Variants in CSMD2 observed in about 807,000 individuals in gnomAD.
CSMD2 encodes the protein CUB and Sushi multiple domains 2.
CSMD2 carries 130 observed loss-of-function variants against 398.5 expected under a neutral mutation model. The ratio of observed to expected loss-of-function variants is 0.33; its 90% confidence interval spans 0.28 to 0.38. The LOEUF (loss-of-function observed/expected upper bound fraction) is 0.38, where lower values mean the gene tolerates loss of function less well. Among genes scored for constraint, CSMD2 ranks in the 10% least tolerant of loss-of-function variants. The probability of loss-of-function intolerance (pLI) is 1.00; values close to 1 mark genes in which losing one functional copy is unlikely to be tolerated. For synonymous variants in CSMD2, 1,828 were observed against 1,908.5 expected (o/e 0.96, Z 1.10); for missense variants, 3,829 against 4,764.9 (o/e 0.80, Z 5.78).
chr1:33,628,173 C>T (rs1158457086), intron 32 of CSMD2, among the ~76,000 whole-genome samples: 2 of 152,074 alleles, frequency 1.3e-5, no homozygotes, highest in Non-Finnish European at 2.9e-5. Context: ...ATGAGAAATG[C>T]TAGTGCAAGC....
chr1:33,873,655 C>T (rs1640630521), intron 5 of CSMD2: 1 of 152,188 alleles, frequency 6.6e-6, no homozygotes, highest in Admixed American at 6.5e-5. Flanking sequence ...GGAAGCTTGT[C>T]CTCCCCTCTA....
At chr1:33,620,623 G>A (rs989211456) in intron 37 of CSMD2, among the ~76,000 whole-genome samples, 1 of 151,990 alleles carries the variant, frequency 6.6e-6, no homozygotes, top group Non-Finnish European at 1.5e-5. Context: ...TCAAAATATT[G>A]GATAGAGAAA....
At chr1:33,996,785 C>T (rs778011955) in intron 3 of CSMD2, among the ~76,000 whole-genome samples, 8 of 129,172 alleles carry the variant, frequency 6.2e-5, no homozygotes, top group East Asian at 2.6e-4. Flanking sequence ...GAGAAAAGGG[C>T]GGGAGGAAGA....
chr1:33,809,081 G>A (rs1376018830), intron 10 of CSMD2, among the ~76,000 whole-genome samples: 2 of 151,720 alleles, frequency 1.3e-5, no homozygotes, highest in African/African-American at 4.8e-5. Flanking sequence ...CGATAGTTTT[G>A]CTGAAAAATT....
chr1:34,064,256 GT>G (rs991172871), intron 2 of CSMD2, among the ~76,000 whole-genome samples: 8 of 152,152 alleles, frequency 5.3e-5, no homozygotes, highest in African/African-American at 1.9e-4. Context: ...CAAAAAATGG[GT>G]TTTTCTTTTC....
chr1:33,700,788 A>C (rs1645587006), intron 22 of CSMD2, 115 bp from the exon 23 acceptor site: 2 of 958,822 alleles, frequency 2.1e-6, no homozygotes, highest in Admixed American at 4.4e-5. Context: ...CAACTATCAG[A>C]GGCACAGTGA....
intron 9 of CSMD2, among the ~76,000 whole-genome samples, chr1:33,811,875 T>C (rs781271661): frequency 6.6e-6 from 1 of 152,218 alleles, no homozygotes; most frequent in Non-Finnish European, 1.5e-5. Context: ...ATCCTAATTG[T>C]AGGCAAAGTG....
chr1:34,048,105 T>C (rs1476320697), intron 2 of CSMD2, among the ~76,000 whole-genome samples: 1 of 152,054 alleles, frequency 6.6e-6, no homozygotes, highest in Non-Finnish European at 1.5e-5. Context: ...AGGATGGAAA[T>C]GGGGAAGGAA....
In CSMD2 at chr1:33,625,154, G is replaced by A. The variant is rs547901844; in HGVS notation, c.5397C>T (p.Phe1799=). 3.1e-6 allele frequency: 5 copies of A among 1,604,706 alleles called. No individual in the cohort carries two copies. The highest frequency in any genetic ancestry group is 2.8e-5 in the African/African-American group (2 of 71,902). ...GCAGGGCATAGCCGGAGTTGCATTC[G>A]AAGCGGACGATGGCCCCCACCGAGA... is the stretch of plus-strand genomic sequence containing the variant. ...SDFSVGAIVR[F]ECNSGYALQG... The change falls in exon 34 of 71, where the codon TTC becomes TTT. Residue 1799 remains phenylalanine (F), a synonymous_variant. Transcript: ENST00000373381.
chr1:33,647,055 G>A (rs1643478929), intron 28 of CSMD2, among the ~76,000 whole-genome samples: 1 of 152,174 alleles, frequency 6.6e-6, no homozygotes, highest in Non-Finnish European at 1.5e-5. Context: ...GGGCAGAGGA[G>A]TCAGATTCCA....
Position 33,924,508 on chromosome 1 carries a change from C to A in CSMD2, c.713-6207G>T, listed in dbSNP as rs574795876. 3.3e-5 allele frequency among the ~76,000 whole-genome samples: 5 copies of A among 152,264 alleles called. No individual in the cohort carries two copies. In the South Asian group the frequency reaches 1.0e-3, roughly 32 times the overall value. ...ATTGTGTTTCAGTAAACATGGGGTGCAGGTATCCCTTTGATACATTGATTT... is the reference window on the plus strand; with the variant it reads ...ATTGTGTTTCAGTAAACATGGGGTGAAGGTATCCCTTTGATACATTGATTT... On this transcript the variant is annotated intron_variant, in intron 4 of 70. Coordinates refer to ENST00000373381, the MANE Select transcript of CSMD2 (RefSeq NM_001281956.2).
chr1:34,058,586 G>A (rs149563045), intron 2 of CSMD2, among the ~76,000 whole-genome samples: 34 of 152,312 alleles, frequency 2.2e-4, no homozygotes, highest in Non-Finnish European at 4.1e-4. Context: ...CAAGGCAGAC[G>A]AGACAGGGAG....
At chr1:33,742,522 G>A (rs759372468) in intron 14 of CSMD2, among the ~76,000 whole-genome samples, 241 of 151,014 alleles carry the variant, frequency 1.6e-3, no homozygotes, top group Non-Finnish European at 2.9e-3. Context: ...CTTACGACCT[G>A]ATAACCACTT....
intron 44 of CSMD2, among the ~76,000 whole-genome samples, chr1:33,592,898 A>G (rs1157367294): frequency 2.0e-5 from 3 of 151,790 alleles, no homozygotes; most frequent in African/African-American, 7.3e-5. Flanking sequence ...GCAGTGAACC[A>G]AGATCACGCC....
At chr1:33,761,532 G>A (rs1649811694) in intron 13 of CSMD2, among the ~76,000 whole-genome samples, 1 of 152,218 alleles carries the variant, frequency 6.6e-6, no homozygotes, top group Non-Finnish European at 1.5e-5. Flanking sequence ...AGGAATTCAA[G>A]GAAGGGTGTG....
intron 3 of CSMD2, among the ~76,000 whole-genome samples, chr1:34,012,559 A>G (rs1430799275): frequency 6.6e-6 from 1 of 151,832 alleles, no homozygotes; most frequent in Non-Finnish European, 1.5e-5. Flanking sequence ...CTCCTGCCTC[A>G]ACCTCCTGAG....
At chr1:33,819,863 C>T (rs1570108506) in intron 8 of CSMD2, 26 bp from the exon 9 acceptor site, 7 of 1,612,854 alleles carry the variant, frequency 4.3e-6, no homozygotes, top group Non-Finnish European at 5.1e-6. Flanking sequence ...TGTCTGTGAG[C>T]TCCATCCCTG....
At chr1:33,585,397 C>T (rs941471015) in intron 46 of CSMD2, among the ~76,000 whole-genome samples, 5 of 152,232 alleles carry the variant, frequency 3.3e-5, no homozygotes, top group South Asian at 2.1e-4. Context: ...GTAATCAGCA[C>T]GGGGGCTGGG....
At chr1:33,617,086 A>G (rs1364230362) in intron 38 of CSMD2, 111 bp from the exon 39 acceptor site, 9 of 768,172 alleles carry the variant, frequency 1.2e-5, no homozygotes, top group Non-Finnish European at 1.8e-5. Context: ...AAGGAACAAG[A>G]TACACAAAGA....
Sources: gnomAD v4.1 joint callset for allele counts (sites outside exome capture counted in the v4.1 genomes callset) on GRCh38, gnomAD v4.1.1 for gene constraint, MANE v1.5 for transcripts, NCBI Gene and HGNC (gene_info 2026-07-23, HGNC 2026-07-21) for gene names.